Variants in DIAPH2 observed in about 807,000 individuals in gnomAD.
DIAPH2 encodes protein diaphanous homolog 2.
DIAPH2 carries 35 observed loss-of-function variants against 92.7 expected under a neutral mutation model. That is an observed-to-expected ratio of 0.38 (90% CI 0.29 to 0.50). The LOEUF is 0.50. Ranked by LOEUF, DIAPH2 falls within the 20% of genes least tolerant of loss-of-function variation. The probability of loss-of-function intolerance (pLI) is 0.94; values close to 1 mark genes in which losing one functional copy is unlikely to be tolerated. For missense variants in DIAPH2, 701 were observed against 819.5 expected, an observed-to-expected ratio of 0.86 and a Z score of 1.77; for synonymous variants, 301 against 280.4, an observed-to-expected ratio of 1.07 and a Z score of -0.73.
chrX:97,331,942 ATTATT>A (rs1346709383), intron 23 of DIAPH2, among the ~76,000 whole-genome samples: 2 of 111,458 alleles, frequency 1.8e-5, no homozygotes, highest in Non-Finnish European at 3.8e-5. Flanking sequence ...TTTCAATGTC[ATTATT>A]TTATTTCAGA....
chrX:96,881,516 C>G (rs1446493921), intron 4 of DIAPH2, 63 bp from the exon 5 acceptor site: 78 of 936,799 alleles, frequency 8.3e-5, no homozygotes, highest in Admixed American at 2.2e-4. Context: ...ATATTCTATG[C>G]ATTATTTTAC....
Position 97,022,316 on chromosome X carries a change from A to T in DIAPH2, c.2051-50625A>T, listed in dbSNP as rs184576615. ...TGCATATAAGCTGCTTTCACTGTTG[A>T]CAGTGTGTGGTGTTGTCCAACCTGA... On this transcript the variant is annotated intron_variant, in intron 17 of 26. Coordinates refer to ENST00000324765, the MANE Select transcript of DIAPH2 (RefSeq NM_006729.5). Among the ~76,000 whole-genome samples, 4 of 112,311 alleles carry T rather than the reference A, an allele frequency of 3.6e-5. No individual in the cohort carries two copies. In the East Asian group the frequency reaches 8.4e-4, roughly 23 times the overall value.
intron 17 of DIAPH2, among the ~76,000 whole-genome samples, chrX:96,965,977 A>G (rs1241420531): frequency 8.9e-6 from 1 of 111,900 alleles, no homozygotes; most frequent in Non-Finnish European, 1.9e-5. Context: ...AAAAATGGAA[A>G]TAATCCATAC....
At chrX:96,812,029 C>T (rs1003363537) in intron 4 of DIAPH2, among the ~76,000 whole-genome samples, 2 of 111,550 alleles carry the variant, frequency 1.8e-5, no homozygotes, top group Non-Finnish European at 3.8e-5. Context: ...ATGATGCTGG[C>T]GTCATAAAAT....
Position 97,461,710 on chromosome X carries a change from A to G in DIAPH2, c.3241+31965A>G, listed in dbSNP as rs1169723140. Among the ~76,000 whole-genome samples, 3 of 111,354 alleles carry G rather than the reference A, an allele frequency of 2.7e-5. No individual in the cohort carries two copies. In the Admixed American group the frequency reaches 2.9e-4, roughly 11 times the overall value. On this transcript the variant is annotated intron_variant, in intron 26 of 26. Transcript: ENST00000324765. The stretch of plus-strand genomic sequence containing the variant: ...TGGACAGGCTAAACCAAAACTCATA[A>G]TCCTATTACAGTCTCCTACACCCAC...
At chrX:96,718,336 GTTTTTTTTTTTTTTTTTTTTT>G (rs962776012) in intron 1 of DIAPH2, among the ~76,000 whole-genome samples, 4 of 10,987 alleles carry the variant, frequency 3.6e-4, no homozygotes, top group African/African-American at 4.6e-4. Flanking sequence ...CATTTTCTTT[GTTTTTTTTTTTTTTTTTTTTT>G]TTTTTTTTTT....
chrX:96,856,988 G>A (rs774734184), intron 4 of DIAPH2, among the ~76,000 whole-genome samples: 2 of 109,963 alleles, frequency 1.8e-5, no homozygotes, highest in South Asian at 3.9e-4. Context: ...GCAGTGAGCC[G>A]AGATCGATCC....
intron 3 of DIAPH2, among the ~76,000 whole-genome samples, chrX:96,752,136 C>T (rs1388197079): frequency 9.0e-6 from 1 of 111,250 alleles, no homozygotes; most frequent in Non-Finnish European, 1.9e-5. Context: ...GAATATTGCT[C>T]TATTTAGCTT....
intron 26 of DIAPH2, among the ~76,000 whole-genome samples, chrX:97,576,967 G>A (rs900974006): frequency 2.7e-5 from 3 of 111,742 alleles, no homozygotes; most frequent in African/African-American, 9.7e-5. Context: ...CTCAGAATAA[G>A]ATTATAATGT....
intron 17 of DIAPH2, among the ~76,000 whole-genome samples, chrX:97,066,714 CA>C (rs2078737738): frequency 8.9e-6 from 1 of 112,078 alleles, no homozygotes; most frequent in South Asian, 3.7e-4. Flanking sequence ...CGCTGTTAAA[CA>C]TAATGTTCTG....
intron 1 of DIAPH2, among the ~76,000 whole-genome samples, chrX:96,703,361 G>T (rs1468670577): frequency 8.0e-5 from 9 of 111,855 alleles, no homozygotes; most frequent in Non-Finnish European, 1.5e-4. Context: ...TAAATATAAA[G>T]ATATTTATTA....
intron 4 of DIAPH2, among the ~76,000 whole-genome samples, chrX:96,830,806 AAG>A (rs2064849585): frequency 9.0e-6 from 1 of 110,950 alleles, no homozygotes; most frequent in African/African-American, 3.3e-5. Flanking sequence ...ATAATGGTAT[AAG>A]AGAGAATATG....
At position 97,129,306 on chromosome X, in the gene DIAPH2, A is replaced by G. The variant is rs1487814519; in HGVS notation, c.2590-12359A>G. ...CTCAGCCTCCCGAGTAGCTGAGACTACAGGTGCACACCACCGTGCCCAGCT... is the reference window on the plus strand; with the variant it reads ...CTCAGCCTCCCGAGTAGCTGAGACTGCAGGTGCACACCACCGTGCCCAGCT... On this transcript the variant is annotated intron_variant, in intron 21 of 26. Transcript: ENST00000324765. 2.8e-5 allele frequency among the ~76,000 whole-genome samples: 3 copies of G among 107,931 alleles called. No homozygotes were observed. In the South Asian group the frequency reaches 1.2e-3, roughly 44 times the overall value. The allele number at this position is 107,931 out of a possible 115,157, so 93.7% of individuals were successfully genotyped here.
At chrX:96,888,703 A>C (rs1486747329) in intron 5 of DIAPH2, among the ~76,000 whole-genome samples, 1 of 105,362 alleles carries the variant, frequency 9.5e-6, no homozygotes, top group Non-Finnish European at 1.9e-5. Flanking sequence ...TAGTATGTAT[A>C]TGGCATTTAC....
At chrX:97,234,374 TGGTGTATACCTA>T (rs1365267151) in intron 22 of DIAPH2, among the ~76,000 whole-genome samples, 1 of 106,981 alleles carries the variant, frequency 9.3e-6, no homozygotes. Flanking sequence ...AGAGGCCTGG[TGGTGTATACCTA>T]GGCAATCCAC....
intron 1 of DIAPH2, among the ~76,000 whole-genome samples, chrX:96,706,738 A>G (rs1442360717): frequency 9.0e-6 from 1 of 111,526 alleles, no homozygotes; most frequent in Non-Finnish European, 1.9e-5. Flanking sequence ...TCCTGGGTGT[A>G]TGTGTAGACT....
At chrX:97,498,636 A>T (rs746544646) in intron 26 of DIAPH2, among the ~76,000 whole-genome samples, 1 of 111,148 alleles carries the variant, frequency 9.0e-6, no homozygotes, top group South Asian at 3.8e-4. Context: ...ACATCAGGAG[A>T]CTTGAGGTAC....
intron 22 of DIAPH2, among the ~76,000 whole-genome samples, chrX:97,240,912 G>A (rs1277887504): frequency 9.0e-6 from 1 of 111,716 alleles, no homozygotes; most frequent in African/African-American, 3.3e-5. Flanking sequence ...AAGGCCTAGA[G>A]AAGCTAAGTC....
intron 23 of DIAPH2, among the ~76,000 whole-genome samples, chrX:97,300,285 C>T (rs939404617): frequency 1.8e-5 from 2 of 111,851 alleles, no homozygotes; most frequent in Non-Finnish European, 3.8e-5. Context: ...TCCTAAACTA[C>T]GTAACTCTCT....
Sources: allele counts gnomAD v4.1 joint callset (sites outside exome capture counted in the v4.1 genomes callset), GRCh38; gene constraint gnomAD v4.1.1; transcripts MANE v1.5; gene names NCBI Gene and HGNC (gene_info 2026-07-23, HGNC 2026-07-21).